Variants in FAM184B observed in about 807,000 individuals in gnomAD.
The protein encoded by FAM184B is protein FAM184B.
FAM184B carries 111 observed loss-of-function variants against 135.9 expected under a neutral mutation model. That is an observed-to-expected ratio of 0.82 (90% CI 0.70 to 0.96). The LOEUF is 0.96. Ranked by LOEUF, FAM184B falls within the 40% of genes least tolerant of loss-of-function variation. The probability of loss-of-function intolerance (pLI) is 0.00; values close to 1 mark genes in which losing one functional copy is unlikely to be tolerated. For missense variants in FAM184B, 1,375 were observed against 1,323.9 expected, an observed-to-expected ratio of 1.04 and a Z score of -0.60; for synonymous variants, 552 against 524.8, an observed-to-expected ratio of 1.05 and a Z score of -0.71.
intron 1 of FAM184B, among the ~76,000 whole-genome samples, chr4:17,775,934 G>A (rs1030489622): frequency 6.6e-5 from 10 of 152,150 alleles, no homozygotes; most frequent in African/African-American, 2.4e-4. Context: ...TAAAAGTCCA[G>A]ACTTCACTAC....
At chr4:17,773,365 G>T (rs1186229086) in intron 1 of FAM184B, among the ~76,000 whole-genome samples, 1 of 152,178 alleles carries the variant, frequency 6.6e-6, no homozygotes, top group African/African-American at 2.4e-5. Context: ...TGACAAACTG[G>T]CAGAGATCCA....
At chr4:17,710,961 A>C (rs1406292330) in intron 1 of FAM184B, among the ~76,000 whole-genome samples, 1 of 152,218 alleles carries the variant, frequency 6.6e-6, no homozygotes, top group Non-Finnish European at 1.5e-5. Flanking sequence ...CCTGAGCTAC[A>C]GAGGAGGGGG....
rs369389513 is a variant in FAM184B, at chr4:17,734,006, G to A, written c.142-24362C>T. Among the ~76,000 whole-genome samples the A allele has an allele frequency of 4.5e-3, 681 of 152,268 alleles. 26 individuals carry two copies. The East Asian group carries it at 0.084, about 19-fold the overall frequency. ...AGATATAGATCAATGGAACAGAACA[G>A]AGCCCTCAGAAATAATGCCACATAT... is the stretch of plus-strand genomic sequence containing the variant. On this transcript the variant is annotated intron_variant, in intron 1 of 17. Coordinates refer to ENST00000265018, the MANE Select transcript of FAM184B (RefSeq NM_015688.2).
Position 17,744,492 on chromosome 4 carries a change from A to ACAC in FAM184B, c.142-34851_142-34849dup, listed in dbSNP as rs1560191275. On this transcript the variant is annotated intron_variant, in intron 1 of 17. Coordinates refer to ENST00000265018, the MANE Select transcript of FAM184B (RefSeq NM_015688.2). ...ACACACACACACACACACACACACC[A>ACAC]CACACACACACACACACACACACCT... Among the ~76,000 whole-genome samples the ACAC allele has an allele frequency of 3.2e-3, 368 of 115,152 alleles. 2 individuals are homozygous for ACAC. The highest frequency in any genetic ancestry group is 6.2e-3 in the South Asian group (22 of 3,538). The allele number at this position is 115,152 out of a possible 152,430, so 75.5% of individuals were successfully genotyped here. A position where few individuals can be genotyped will look rare whatever the true frequency, so the allele number is the denominator to read the frequency against.
intron 1 of FAM184B, among the ~76,000 whole-genome samples, chr4:17,735,845 A>G (rs1717896198): frequency 6.6e-6 from 1 of 152,220 alleles, no homozygotes; most frequent in African/African-American, 2.4e-5. Context: ...ACCTACACAC[A>G]GTGCCAAACT....
intron 6 of FAM184B, among the ~76,000 whole-genome samples, chr4:17,692,046 C>T (rs1368149515): frequency 2.7e-5 from 3 of 111,794 alleles, no homozygotes; most frequent in African/African-American, 6.2e-5. Context: ...AGCGAGACTC[C>T]GTCTCAAAAA....
chr4:17,689,637 TA>T (rs889237398), intron 6 of FAM184B, among the ~76,000 whole-genome samples: 9 of 152,034 alleles, frequency 5.9e-5, no homozygotes, highest in Non-Finnish European at 1.2e-4. Context: ...AAGCCTTTTT[TA>T]AAAAAATTAT....
At position 17,743,668 on chromosome 4, in the gene FAM184B, G is replaced by A. The variant is rs73800382; in HGVS notation, c.142-34024C>T. Reference sequence around the variant, plus strand: ...TCAACAACAGATACTCCTGTAAGCAGATTCATACCCAAGAAAAGCCAAGTG... The same window carrying A: ...TCAACAACAGATACTCCTGTAAGCAAATTCATACCCAAGAAAAGCCAAGTG... On this transcript the variant is annotated intron_variant, in intron 1 of 17. Transcript: ENST00000265018. Among the ~76,000 whole-genome samples, 1,066 of 152,290 alleles carry A rather than the reference G, an allele frequency of 7.0e-3. 14 individuals are homozygous for A. Among genetic ancestry groups the A allele is most frequent in the African/African-American group, 0.023 (968 of 41,552 alleles).
intron 5 of FAM184B, among the ~76,000 whole-genome samples, chr4:17,700,958 GA>G (rs1424270420): frequency 1.3e-5 from 2 of 151,946 alleles, no homozygotes; most frequent in Admixed American, 1.3e-4. Context: ...AGCAAATAAA[GA>G]AAAAAATTTG....
intron 1 of FAM184B, among the ~76,000 whole-genome samples, chr4:17,768,906 C>T (rs1041472767): frequency 1.3e-5 from 2 of 151,828 alleles, no homozygotes; most frequent in African/African-American, 2.4e-5. Context: ...CGGGTTCAAG[C>T]GATTCTCCTG....
intron 13 of FAM184B, 101 bp from the exon 14 acceptor site, chr4:17,639,497 C>G (rs987089682): frequency 7.3e-7 from 1 of 1,373,924 alleles, no homozygotes; most frequent in Non-Finnish European, 9.9e-7. Context: ...TTTGGGAGAT[C>G]TGGGTGGGGA....
rs73800384 is a variant in FAM184B, at chr4:17,744,312, C to T, written c.142-34668G>A. On this transcript the variant is annotated intron_variant, in intron 1 of 17. Transcript: ENST00000265018. ...CAGGGGCTGCGAATTATGAGCCATC[C>T]TAGAAATCTGCCTACTACACCAAGA... 7.0e-3 allele frequency among the ~76,000 whole-genome samples: 1,063 copies of T among 152,100 alleles called. 14 individuals are homozygous for T. The highest frequency in any genetic ancestry group is 0.023 in the African/African-American group (965 of 41,480).
intron 1 of FAM184B, among the ~76,000 whole-genome samples, chr4:17,766,121 C>T (rs781445241): frequency 1.4e-4 from 21 of 152,306 alleles, no homozygotes; most frequent in African/African-American, 4.3e-4. Context: ...GGGAAGGTAA[C>T]CTAACCAGGT....
At chr4:17,721,823 G>T (rs542291134) in intron 1 of FAM184B, among the ~76,000 whole-genome samples, 1 of 152,176 alleles carries the variant, frequency 6.6e-6, no homozygotes, top group East Asian at 1.9e-4. Flanking sequence ...ACATTCCCTC[G>T]CAATGGGCCT....
chr4:17,739,571 T>TTTTTTTTTTTTTTTTTTA (rs1717983878), intron 1 of FAM184B, among the ~76,000 whole-genome samples: 1 of 143,636 alleles, frequency 7.0e-6, no homozygotes, highest in Non-Finnish European at 1.5e-5. Context: ...TTTTTTTTTT[T>TTTTTTTTTTTTTTTTTTA]GAGATGGGGT....
At chr4:17,746,711 G>A (rs1718173678) in intron 1 of FAM184B, among the ~76,000 whole-genome samples, 1 of 145,322 alleles carries the variant, frequency 6.9e-6, no homozygotes, top group Admixed American at 6.9e-5. Flanking sequence ...CAGCCTAGGC[G>A]ACAGAGCGAG....
rs957274489 is a variant in FAM184B, at chr4:17,642,119, C to T, written c.2456G>A (p.Arg819Gln). ...CTGCTCCACCTCCGCGCGCAGCCGC[C>T]GCACCGCGTCCTGGAGCTGCGCGTT... is the stretch of plus-strand genomic sequence containing the variant. ...EENAQLQDAV[R>Q]RLRAEVEQHQ... Residue 819 changes from arginine to glutamine, a missense_variant, in exon 13 of 18, where the codon CGG becomes CAG. Physicochemically the swap from Arg to Gln is conservative, Grantham distance 43. Transcript: ENST00000265018. The T allele has an allele frequency of 1.3e-5, 20 of 1,532,910 alleles. No homozygotes were observed. The highest frequency in any genetic ancestry group is 2.0e-5 in the Admixed American group (1 of 50,866). The allele number at this position is 1,532,910 out of a possible 1,614,324, so 95.0% of individuals were successfully genotyped here. A position where few individuals can be genotyped will look rare whatever the true frequency, so the allele number is the denominator to read the frequency against.
chr4:17,756,345 A>T (rs1718420286), intron 1 of FAM184B, among the ~76,000 whole-genome samples: 1 of 152,246 alleles, frequency 6.6e-6, no homozygotes, highest in African/African-American at 2.4e-5. Context: ...AAATTAGTCA[A>T]TTTGAACATC....
In FAM184B at chr4:17,759,408, A is replaced by T. The variant is rs575359869; in HGVS notation, c.141+21751T>A. On this transcript the variant is annotated intron_variant, in intron 1 of 17. Coordinates refer to ENST00000265018, the MANE Select transcript of FAM184B (RefSeq NM_015688.2). ...AAAGTTTCCTGAGGCCTTGCCAGCC[A>T]TGCTTCCAGTACAGCCTGCAGAATC... Among the ~76,000 whole-genome samples the T allele has an allele frequency of 4.6e-4, 70 of 152,206 alleles. 1 individual carries two copies. The highest frequency in any genetic ancestry group is 2.9e-4 in the Non-Finnish European group (20 of 68,032).
Sources: gnomAD v4.1 joint callset for allele counts (sites outside exome capture counted in the v4.1 genomes callset) on GRCh38, gnomAD v4.1.1 for gene constraint, MANE v1.5 for transcripts, NCBI Gene and HGNC (gene_info 2026-07-23, HGNC 2026-07-21) for gene names.